Variants in HSD17B12 observed in about 807,000 individuals in gnomAD.
The protein encoded by HSD17B12 is hydroxysteroid 17-beta dehydrogenase 12.
Under a neutral mutation model 39.3 loss-of-function variants are expected in HSD17B12, and 32 were observed. The observed-to-expected ratio is 0.81, with a 90% CI of 0.61 to 1.09. The LOEUF (loss-of-function observed/expected upper bound fraction) is 1.09, where lower values mean the gene tolerates loss of function less well. HSD17B12 is among the 50% of genes least tolerant of loss of function. The probability of loss-of-function intolerance (pLI) is 0.00; values close to 1 mark genes in which losing one functional copy is unlikely to be tolerated. For synonymous variants in HSD17B12, 150 were observed against 146.7 expected (o/e 1.02, Z -0.16); for missense variants, 342 against 382.9 (o/e 0.89, Z 0.89).
intron 1 of HSD17B12, chr11:43,718,642 A>T (rs1950147793): frequency 1.5e-6 from 1 of 670,784 alleles, no homozygotes; most frequent in Admixed American, 2.4e-5. Context: ...TACCCCATGT[A>T]TCAAAAATAT....
At chr11:43,750,770 A>G (rs1950458054) in intron 1 of HSD17B12, 141 bp from the exon 2 acceptor site, 1 of 493,222 alleles carries the variant, frequency 2.0e-6, no homozygotes, top group South Asian at 4.5e-5. Flanking sequence ...ATTCAACCTT[A>G]GATTTGAACC....
chr11:43,661,666 AG>A, the HSD17B12 span, among the ~76,000 whole-genome samples: 1 of 152,172 alleles, frequency 6.6e-6, no homozygotes, highest in East Asian at 1.9e-4. Context: ...AGGAGGAAAA[AG>A]GAATCAGAGA....
rs191257569 is a variant in HSD17B12, at chr11:43,721,639, C to T, written c.161-29272C>T. Among the ~76,000 whole-genome samples the T allele has an allele frequency of 1.9e-3, 290 of 152,012 alleles. 3 individuals are homozygous for T. The highest frequency in any genetic ancestry group is 3.4e-3 in the Middle Eastern group (1 of 294). ...ATCTCAAAAAAGAAAAAGAATGTTC[C>T]AGGCAGAGGAAAAAGCAAGTGAAAT... is the stretch of plus-strand genomic sequence containing the variant. On this transcript the variant is annotated intron_variant, in intron 1 of 10. Coordinates refer to ENST00000278353, the MANE Select transcript of HSD17B12 (RefSeq NM_016142.3).
chr11:43,643,267 C>G, the HSD17B12 span, among the ~76,000 whole-genome samples: 1 of 152,084 alleles, frequency 6.6e-6, no homozygotes, highest in African/African-American at 2.4e-5. Context: ...ATTGAACTTA[C>G]ATTGATGATA....
In HSD17B12 at chr11:43,702,296, C is replaced by T. The variant is rs1187636452; in HGVS notation, c.160+21309C>T. On this transcript the variant is annotated intron_variant, in intron 1 of 10. Coordinates refer to ENST00000278353, the MANE Select transcript of HSD17B12 (RefSeq NM_016142.3). ...CAAACAAGGATAATTTGACTTCTTC[C>T]TTTCCAATTTGGATGCCCATTATAT... Among the ~76,000 whole-genome samples the T allele has an allele frequency of 3.3e-5, 5 of 152,296 alleles. No individual in the cohort carries two copies. The East Asian group carries it at 5.8e-4, about 18-fold the overall frequency.
At chr11:43,715,384 A>G (rs955449315) in intron 1 of HSD17B12, among the ~76,000 whole-genome samples, 1 of 152,090 alleles carries the variant, frequency 6.6e-6, no homozygotes, top group Non-Finnish European at 1.5e-5. Context: ...TGAGATAATC[A>G]TGTGGTTTTT....
chr11:43,736,711 T>A (rs1183888531), intron 1 of HSD17B12, among the ~76,000 whole-genome samples: 10 of 152,348 alleles, frequency 6.6e-5, no homozygotes, highest in Non-Finnish European at 1.3e-4. Context: ...ACTGTTTGTC[T>A]TTAATAAAAA....
chr11:43,710,517 T>C (rs572173023), intron 1 of HSD17B12, among the ~76,000 whole-genome samples: 1 of 152,278 alleles, frequency 6.6e-6, no homozygotes, highest in East Asian at 1.9e-4. Flanking sequence ...TTGAAATTCT[T>C]GAGGGGAAAT....
chr11:43,582,395 G>A, the HSD17B12 span, among the ~76,000 whole-genome samples: 2 of 152,254 alleles, frequency 1.3e-5, no homozygotes, highest in East Asian at 3.9e-4. Flanking sequence ...ACTCATTGCA[G>A]TCCTGACCAC....
At chr11:43,727,222 T>C (rs181529970) in intron 1 of HSD17B12, among the ~76,000 whole-genome samples, 1 of 152,184 alleles carries the variant, frequency 6.6e-6, no homozygotes. Context: ...TTAGACTGAG[T>C]AGCCCTTGTC....
At chr11:43,568,291 A>T in the HSD17B12 span, among the ~76,000 whole-genome samples, 1 of 151,920 alleles carries the variant, frequency 6.6e-6, no homozygotes, top group Non-Finnish European at 1.5e-5. Context: ...TTAGTAGAGA[A>T]AGGGTTTCAC....
At chr11:43,690,396 A>ATTTTTT (rs1565049786) in intron 1 of HSD17B12, among the ~76,000 whole-genome samples, 3 of 27,416 alleles carry the variant, frequency 1.1e-4, no homozygotes, top group Non-Finnish European at 1.7e-4. Context: ...ATATATATAT[A>ATTTTTT]TATATATATT....
At chr11:43,789,422 G>GC (rs1281209892) in intron 3 of HSD17B12, among the ~76,000 whole-genome samples, 3 of 152,156 alleles carry the variant, frequency 2.0e-5, no homozygotes, top group Non-Finnish European at 2.9e-5. Flanking sequence ...GTAGTAAAGA[G>GC]CAAAAAACAG....
rs183504507 is a variant in HSD17B12, at chr11:43,805,936, A to G, written c.391+7509A>G. On this transcript the variant is annotated intron_variant, in intron 4 of 10. Transcript: ENST00000278353. ...TTAGCTAGAGCGATTCATGGAACTC[A>G]GAAAAGCACTATACTCATGATCTTG... Among the ~76,000 whole-genome samples the G allele has an allele frequency of 4.1e-3, 625 of 152,334 alleles. 5 individuals carry two copies. Among genetic ancestry groups the G allele is most frequent in the Non-Finnish European group, 5.8e-3 (394 of 68,026 alleles).
the HSD17B12 span, among the ~76,000 whole-genome samples, chr11:43,662,522 A>G: frequency 3.9e-5 from 5 of 128,878 alleles, no homozygotes; most frequent in Admixed American, 7.5e-5. Context: ...GCCACATCTC[A>G]AAAAAAAAAA....
In HSD17B12 at chr11:43,753,627, T is replaced by C. The variant is rs115254873; in HGVS notation, c.208-419T>C. Among the ~76,000 whole-genome samples, 814 of 151,808 alleles carry C rather than the reference T, an allele frequency of 5.4e-3. 8 individuals are homozygous for C. The highest frequency in any genetic ancestry group is 0.019 in the African/African-American group (783 of 41,388). On this transcript the variant is annotated intron_variant, in intron 2 of 10. Coordinates refer to ENST00000278353, the MANE Select transcript of HSD17B12 (RefSeq NM_016142.3). ...TGGGATTTTACTATGTTGCCCAGGA[T>C]GGTTTTGGACTCCTGGGCTTAAGCA...
the HSD17B12 span, among the ~76,000 whole-genome samples, chr11:43,624,259 A>T: frequency 6.6e-6 from 1 of 152,000 alleles, no homozygotes; most frequent in African/African-American, 2.4e-5. Context: ...AATTTGAAGG[A>T]AAAGAAAGTC....
intron 9 of HSD17B12, chr11:43,852,931 G>C (rs1951545974): frequency 1.3e-5 from 2 of 152,176 alleles, no homozygotes; most frequent in African/African-American, 4.8e-5. Context: ...TCCATCTGGG[G>C]TTCTTGGTTC....
At chr11:43,607,426 T>A in the HSD17B12 span, among the ~76,000 whole-genome samples, 5 of 152,128 alleles carry the variant, frequency 3.3e-5, no homozygotes, top group African/African-American at 7.2e-5. Context: ...ACTTTACTCA[T>A]ACAAAAGCCG....
Sources: gnomAD v4.1 joint callset for allele counts (sites outside exome capture counted in the v4.1 genomes callset) on GRCh38, gnomAD v4.1.1 for gene constraint, MANE v1.5 for transcripts, NCBI Gene and HGNC (gene_info 2026-07-23, HGNC 2026-07-21) for gene names.